The following ENPEP variants were observed in gnomAD, a reference collection of about 807,000 sequenced individuals.
ENPEP encodes AP-A.
In ENPEP, 103 loss-of-function variants were observed where a neutral mutation model predicts 114.5. The ratio of observed to expected loss-of-function variants is 0.90; its 90% CI spans 0.77 to 1.06. ENPEP has a LOEUF of 1.06. Ranked by LOEUF, ENPEP falls within the 50% of genes least tolerant of loss-of-function variation. The pLI, the probability that ENPEP is intolerant of heterozygous loss-of-function variation, is 0.00. For missense variants in ENPEP, 1,196 were observed against 1,161.3 expected, an observed-to-expected ratio of 1.03 and a Z score of -0.43; for synonymous variants, 420 against 422.0, an observed-to-expected ratio of 1.00 and a Z score of 0.06.
At chr4:110,497,651 C>A (rs1179460286) in intron 3 of ENPEP, among the ~76,000 whole-genome samples, 1 of 152,124 alleles carries the variant, frequency 6.6e-6, no homozygotes, top group Non-Finnish European at 1.5e-5. Context: ...CAATTCATAG[C>A]AGGTGAGTTC....
rs1560573411 is a variant in ENPEP at position 110,561,565 on chromosome 4, C to T, written c.*7C>T. The T allele has an allele frequency of 1.2e-6, 2 of 1,603,890 alleles. No homozygotes were observed. The highest frequency in any genetic ancestry group is 1.1e-5 in the South Asian group (1 of 89,300). ...TTTACTTGAGAGTGGTTAATGTATT[C>T]AAATGTTAGAGTTTAATTTTGTGAA... On this transcript the variant is annotated 3_prime_UTR_variant, in exon 20 of 20. Coordinates refer to ENST00000265162, the MANE Select transcript of ENPEP (RefSeq NM_001977.4).
rs139469362 is a variant in ENPEP at position 110,561,513 on chromosome 4, A to C, written c.2829A>C (p.Arg943Ser). The C allele has an allele frequency of 3.5e-5, 57 of 1,613,914 alleles. No individual in the cohort carries two copies. The highest frequency in any genetic ancestry group is 4.7e-5 in the Non-Finnish European group (56 of 1,179,950). The change falls in exon 20 of 20, where the codon AGA (arginine) becomes AGC (serine). Residue 943 changes from arginine to serine, a missense_variant. Transcript: ENST00000265162. ...ATATAGAGTGGCTAAAACAACATAGAAACACCATCAGAGAATGGTTTTTTA... is the reference window on the plus strand; with the variant it reads ...ATATAGAGTGGCTAAAACAACATAGCAACACCATCAGAGAATGGTTTTTTA... ...KNNIEWLKQH[R>S]NTIREWFFNL...
intron 11 of ENPEP, among the ~76,000 whole-genome samples, chr4:110,541,262 C>G (rs1726836449): frequency 6.6e-6 from 1 of 152,024 alleles, no homozygotes; most frequent in African/African-American, 2.4e-5. Flanking sequence ...ACTACTGTGT[C>G]CTGGATATCT....
At chr4:110,510,199 C>A in intron 5 of ENPEP, 46 bp from the exon 6 acceptor site, 1 of 1,498,908 alleles carries the variant, frequency 6.7e-7, no homozygotes, top group Non-Finnish European at 9.3e-7. Flanking sequence ...GCCTCTCTAC[C>A]ATACCCATAA....
chr4:110,523,427 A>G (rs1040092993), intron 10 of ENPEP, among the ~76,000 whole-genome samples: 1 of 152,194 alleles, frequency 6.6e-6, no homozygotes, highest in African/African-American at 2.4e-5. Context: ...TTAAAAAATA[A>G]CAAAAATATG....
rs754824085 is a variant in ENPEP at position 110,476,711 on chromosome 4, A to G, written c.297A>G (p.Pro99=). The G allele has an allele frequency of 1.9e-6, 3 of 1,613,804 alleles. No homozygotes were observed. In the East Asian group the frequency reaches 6.7e-5, roughly 36 times the overall value. ...KNFRLPDFVN[P]VHYDLHVKPL... is the part of the protein sequence containing the mutation. The stretch of plus-strand genomic sequence containing the variant: ...TTCGACTGCCGGACTTCGTCAACCC[A>G]GTCCACTACGACCTGCACGTGAAGC... The change falls in exon 1 of 20, where the codon CCA becomes CCG. Residue 99 remains proline, a synonymous_variant. Coordinates refer to ENST00000265162, the MANE Select transcript of ENPEP (RefSeq NM_001977.4).
In ENPEP at chr4:110,531,225, G is replaced by C; in HGVS notation, c.1755G>C (p.Trp585Cys). Reference sequence around the variant, plus strand: ...ATACATGGAATATCCCAGTTAAATGGACTGAAGATAATATAACAAGCAGTG... The same window carrying C: ...ATACATGGAATATCCCAGTTAAATGCACTGAAGATAATATAACAAGCAGTG... Reference protein sequence around the residue: ...LGYTWNIPVKWTEDNITSSVL... With the variant: ...LGYTWNIPVKCTEDNITSSVL... Residue 585 changes from tryptophan (W) to cysteine (C), a missense_variant, in exon 11 of 20, where the codon TGG becomes TGC. Coordinates refer to ENST00000265162, the MANE Select transcript of ENPEP (RefSeq NM_001977.4). 9 of 1,463,976 alleles carry C rather than the reference G, an allele frequency of 6.1e-6. No homozygotes were observed. The highest frequency in any genetic ancestry group is 2.4e-5 in the East Asian group (1 of 41,288). The allele number at this position is 1,463,976 out of a possible 1,614,324, so 90.7% of individuals were successfully genotyped here.
intron 10 of ENPEP, among the ~76,000 whole-genome samples, chr4:110,522,372 G>A (rs1449669782): frequency 6.6e-6 from 1 of 151,986 alleles, no homozygotes; most frequent in African/African-American, 2.4e-5. Flanking sequence ...TAGTAGAGAT[G>A]GGGTTTCACC....
Position 110,520,328 on chromosome 4 carries a change from C to G in ENPEP, c.1689C>G (p.Asp563Glu). Residue 563 changes from aspartate (D) to glutamate (E), a missense_variant, in exon 10 of 20, where the codon GAC (aspartate) becomes GAG (glutamate). Coordinates refer to ENST00000265162, the MANE Select transcript of ENPEP (RefSeq NM_001977.4). ...TCACACAGAAACGCTTTTTGTTGGA[C>G]CCAAGAGCTAACCCTTCTCAGCCCC... ...KNITQKRFLL[D>E]PRANPSQPPS... The G allele has an allele frequency of 6.2e-7, 1 of 1,613,938 alleles. No individual in the cohort carries two copies. Among genetic ancestry groups the G allele is most frequent in the African/African-American group, 1.3e-5 (1 of 74,970 alleles).
chr4:110,490,070 TG>T (rs533191688), intron 2 of ENPEP, among the ~76,000 whole-genome samples: 6 of 151,956 alleles, frequency 3.9e-5, no homozygotes, highest in African/African-American at 1.2e-4. Flanking sequence ...TAGATGAAGG[TG>T]GGGGGAAAAA....
intron 3 of ENPEP, among the ~76,000 whole-genome samples, chr4:110,495,573 C>T (rs1578394546): frequency 6.6e-6 from 1 of 151,802 alleles, no homozygotes; most frequent in African/African-American, 2.4e-5. Context: ...ATACAAAAAT[C>T]AGCCGGGCGT....
intron 1 of ENPEP, among the ~76,000 whole-genome samples, chr4:110,480,860 G>T (rs1222381812): frequency 2.0e-5 from 3 of 152,070 alleles, no homozygotes; most frequent in Non-Finnish European, 4.4e-5. Flanking sequence ...CTTCCTACTC[G>T]CTAGTCTATT....
intron 3 of ENPEP, among the ~76,000 whole-genome samples, chr4:110,494,452 C>T (rs1485173790): frequency 6.6e-6 from 1 of 152,150 alleles, no homozygotes; most frequent in African/African-American, 2.4e-5. Flanking sequence ...CTTCTTCTGA[C>T]AGTATTATTC....
chr4:110,498,908 A>G (rs1188971374), intron 3 of ENPEP, among the ~76,000 whole-genome samples: 2 of 151,906 alleles, frequency 1.3e-5, no homozygotes, highest in Non-Finnish European at 2.9e-5. Flanking sequence ...ACATCTCTTT[A>G]TTCTCTTTTC....
chr4:110,543,484 G>T (rs936890995), intron 13 of ENPEP, among the ~76,000 whole-genome samples: 1 of 152,064 alleles, frequency 6.6e-6, no homozygotes, highest in African/African-American at 2.4e-5. Context: ...GTCAAATCTT[G>T]TTCAGGTCAC....
At chr4:110,483,661 T>C (rs1158618168) in intron 1 of ENPEP, among the ~76,000 whole-genome samples, 1 of 152,226 alleles carries the variant, frequency 6.6e-6, no homozygotes, top group Admixed American at 6.5e-5. Flanking sequence ...GACTTATTAA[T>C]GTGGCATAGG....
chr4:110,518,966 A>G, intron 8 of ENPEP: 2 of 422,590 alleles, frequency 4.7e-6, no homozygotes, highest in Admixed American at 2.6e-5. Flanking sequence ...AATATTAGAC[A>G]TTTGATTTAC....
chr4:110,548,423 AT>A lies in ENPEP; in HGVS notation c.2151+98del, dbSNP rs1389106915. ...GAAGGAGCTCTTGGGGACCTAAACC[AT>A]GTTTGCTTGCCAGGTGGAATCAAAA... On this transcript the variant is annotated intron_variant, in intron 14 of 19. Coordinates refer to ENST00000265162, the MANE Select transcript of ENPEP (RefSeq NM_001977.4). 5.7e-6 allele frequency: 6 copies of A among 1,046,020 alleles called. No individual in the cohort carries two copies. In the African/African-American group the frequency reaches 9.9e-5, roughly 17 times the overall value. The allele number at this position is 1,046,020 out of a possible 1,614,324, so 64.8% of individuals were successfully genotyped here.
At chr4:110,544,179 G>C (rs142939347) in intron 13 of ENPEP, among the ~76,000 whole-genome samples, 91 of 152,004 alleles carry the variant, frequency 6.0e-4, no homozygotes, top group African/African-American at 2.1e-3. Context: ...GTTCCATATA[G>C]TCTTAAGTAA....
Sources: gnomAD v4.1 joint callset for allele counts (sites outside exome capture counted in the v4.1 genomes callset) on GRCh38, gnomAD v4.1.1 for gene constraint, MANE v1.5 for transcripts, NCBI Gene and HGNC (gene_info 2026-07-23, HGNC 2026-07-21) for gene names.